Variants in SCYL2 observed in about 807,000 individuals in gnomAD.
SCYL2 encodes SCY1 like pseudokinase 2.
SCYL2 carries 36 observed loss-of-function variants against 100.4 expected under a neutral mutation model. That is an observed-to-expected ratio of 0.36 (90% CI 0.27 to 0.47). The LOEUF (loss-of-function observed/expected upper bound fraction) is 0.47, where lower values mean the gene tolerates loss of function less well. SCYL2 is among the 20% of genes least tolerant of loss of function. The pLI is 1.00. For synonymous variants in SCYL2, 330 were observed against 359.2 expected (o/e 0.92, Z 0.92); for missense variants, 902 against 1,083.9 (o/e 0.83, Z 2.36).
chr12:100,305,417 C>T (rs1215020701), intron 4 of SCYL2, among the ~76,000 whole-genome samples: 9 of 152,058 alleles, frequency 5.9e-5, no homozygotes, highest in Non-Finnish European at 1.3e-4. Flanking sequence ...GGGTAAATAA[C>T]GAAATTAAGG....
intron 13 of SCYL2, among the ~76,000 whole-genome samples, chr12:100,333,057 T>C (rs1952231418): frequency 6.6e-6 from 1 of 152,102 alleles, no homozygotes; most frequent in Admixed American, 6.5e-5. Flanking sequence ...ATTGGGTGTG[T>C]TCAATTTGTG....
At chr12:100,329,789 G>C (rs990371209) in intron 13 of SCYL2, among the ~76,000 whole-genome samples, 1 of 152,178 alleles carries the variant, frequency 6.6e-6, no homozygotes, top group Non-Finnish European at 1.5e-5. Context: ...TCAAGGCCCA[G>C]CTATGGAGTG....
chr12:100,289,519 G>A (rs1048848603), intron 2 of SCYL2, among the ~76,000 whole-genome samples: 12 of 152,130 alleles, frequency 7.9e-5, no homozygotes, highest in African/African-American at 2.9e-4. Context: ...ATATAAATAC[G>A]CAAATGCTAT....
intron 3 of SCYL2, among the ~76,000 whole-genome samples, chr12:100,292,989 G>T (rs1022024443): frequency 2.6e-5 from 4 of 151,686 alleles, no homozygotes; most frequent in Non-Finnish European, 5.9e-5. Flanking sequence ...CTAATTTTTT[G>T]ATTTTTAATT....
intron 1 of SCYL2, among the ~76,000 whole-genome samples, chr12:100,269,987 CTTT>C (rs548843835): frequency 2.1e-5 from 3 of 142,972 alleles, no homozygotes; most frequent in Admixed American, 7.0e-5. Context: ...AGATTTTATA[CTTT>C]TTTTTTTTTT....
intron 3 of SCYL2, among the ~76,000 whole-genome samples, chr12:100,295,581 C>G (rs939885820): frequency 1.3e-4 from 19 of 151,664 alleles, no homozygotes; most frequent in African/African-American, 4.1e-4. Flanking sequence ...TGCCTGCAAT[C>G]GCAGGCACTC....
At chr12:100,321,659 G>T (rs60730957) in intron 10 of SCYL2, among the ~76,000 whole-genome samples, 27,438 of 152,010 alleles carry the variant, frequency 0.18, 2,707 homozygotes, top group Non-Finnish European at 0.21. Flanking sequence ...ATTAAAATTC[G>T]CTCTCACAGA....
intron 16 of SCYL2, 110 bp downstream of exon 16, chr12:100,336,016 T>G: frequency 1.3e-6 from 1 of 755,622 alleles, no homozygotes; most frequent in Non-Finnish European, 2.2e-6. Flanking sequence ...AAGAAACATT[T>G]GTAATTATCT....
intron 5 of SCYL2, among the ~76,000 whole-genome samples, chr12:100,311,775 A>G (rs74774628): frequency 1.3e-5 from 2 of 152,226 alleles, no homozygotes; most frequent in East Asian, 3.8e-4. Context: ...CTGCCTATTC[A>G]TACTTAGAGA....
intron 3 of SCYL2, among the ~76,000 whole-genome samples, chr12:100,294,111 AGAGGCGCCC>A (rs2096314009): frequency 4.1e-5 from 6 of 148,050 alleles, no homozygotes; most frequent in Non-Finnish European, 1.5e-5. Flanking sequence ...GCGGCCGGGC[AGAGGCGCCC>A]CTCACCTCCC....
chr12:100,267,201 T>C lies in SCYL2; in HGVS notation c.-620T>C, dbSNP rs373401298. On this transcript the variant is annotated 5_prime_UTR_variant, in exon 1 of 18. Coordinates refer to ENST00000360820, the MANE Select transcript of SCYL2 (RefSeq NM_017988.6). Reference sequence around the variant, plus strand: ...TAGTCTTTTTCCCCCTCCCTTACTCTTCGTCCCCGGTCCCTCCCCTCCCCA... The same window carrying C: ...TAGTCTTTTTCCCCCTCCCTTACTCCTCGTCCCCGGTCCCTCCCCTCCCCA... 1.5e-4 allele frequency: 153 copies of C among 1,044,374 alleles called. 2 individuals carry two copies. In the East Asian group the frequency reaches 2.9e-3, roughly 20 times the overall value. 64.7% of individuals were successfully genotyped at this position (1,044,374 alleles called of 1,614,324 possible).
chr12:100,273,572 A>G (rs1416547620), intron 1 of SCYL2, among the ~76,000 whole-genome samples: 2 of 152,218 alleles, frequency 1.3e-5, no homozygotes, highest in East Asian at 3.8e-4. Flanking sequence ...CCATACGTAC[A>G]TCAGTGTTGA....
intron 2 of SCYL2, 30 bp downstream of exon 2, chr12:100,283,177 A>G: frequency 6.4e-7 from 1 of 1,552,160 alleles, no homozygotes; most frequent in Non-Finnish European, 8.7e-7. Context: ...CCACTTGGAA[A>G]AAACCCACAT....
intron 9 of SCYL2, among the ~76,000 whole-genome samples, chr12:100,316,266 A>G (rs962341668): frequency 1.3e-5 from 2 of 152,216 alleles, no homozygotes; most frequent in African/African-American, 4.8e-5. Flanking sequence ...TCTCTCATGT[A>G]TATAATATAT....
At chr12:100,327,790 C>T (rs575857151) in intron 12 of SCYL2, among the ~76,000 whole-genome samples, 6 of 151,994 alleles carry the variant, frequency 3.9e-5, no homozygotes, top group Non-Finnish European at 4.4e-5. Flanking sequence ...CTGGGATTAC[C>T]GCCTGGTTCT....
intron 4 of SCYL2, among the ~76,000 whole-genome samples, chr12:100,304,597 C>G (rs2135884119): frequency 6.6e-6 from 1 of 152,234 alleles, no homozygotes; most frequent in East Asian, 1.9e-4. Flanking sequence ...CACCCACTGT[C>G]TACAGGCAAA....
chr12:100,333,855 G>A (rs1952241755), intron 13 of SCYL2: 1 of 205,382 alleles, frequency 4.9e-6, no homozygotes, highest in African/African-American at 2.4e-5. Flanking sequence ...AACTGCTAAG[G>A]GTGAATTTAT....
intron 1 of SCYL2, among the ~76,000 whole-genome samples, chr12:100,281,847 A>C (rs1221161817): frequency 6.6e-6 from 1 of 152,068 alleles, no homozygotes; most frequent in Non-Finnish European, 1.5e-5. Context: ...AAAAAAAAAA[A>C]AAAGAAAGTA....
At chr12:100,279,371 C>T (rs2096295798) in intron 1 of SCYL2, among the ~76,000 whole-genome samples, 2 of 152,240 alleles carry the variant, frequency 1.3e-5, no homozygotes, top group African/African-American at 2.4e-5. Flanking sequence ...CGCTCACCTC[C>T]TGCTCTGCAG....
Sources: allele counts gnomAD v4.1 joint callset (sites outside exome capture counted in the v4.1 genomes callset), GRCh38; gene constraint gnomAD v4.1.1; transcripts MANE v1.5; gene names NCBI Gene and HGNC (gene_info 2026-07-23, HGNC 2026-07-21).